Variants in KIRREL3 observed in about 807,000 individuals in gnomAD.
The protein encoded by KIRREL3 is kin of IRRE-like protein 3.
KIRREL3 carries 36 observed loss-of-function variants against 89.7 expected under a neutral mutation model. The observed-to-expected ratio is 0.40, with a 90% CI of 0.31 to 0.53. KIRREL3 has a LOEUF of 0.53. KIRREL3 is among the 20% of genes least tolerant of loss of function. KIRREL3 has a pLI of 0.49. For synonymous variants in KIRREL3, 445 were observed against 441.4 expected (o/e 1.01, Z -0.10); for missense variants, 864 against 1,056.6 (o/e 0.82, Z 2.53).
intron 5 of KIRREL3, among the ~76,000 whole-genome samples, chr11:126,464,594 AGAGGAG>A (rs1315806801): frequency 6.6e-6 from 1 of 151,898 alleles, no homozygotes. Context: ...GTGAAAGAGA[AGAGGAG>A]GAGGAGGAGA....
chr11:126,449,782 A>T (rs1955958355), intron 7 of KIRREL3, among the ~76,000 whole-genome samples: 1 of 152,128 alleles, frequency 6.6e-6, no homozygotes, highest in African/African-American at 2.4e-5. Context: ...TCCTCTTGAC[A>T]AGCTCTCAGC....
intron 1 of KIRREL3, among the ~76,000 whole-genome samples, chr11:126,721,459 G>A (rs973997660): frequency 6.6e-6 from 1 of 151,784 alleles, no homozygotes; most frequent in Non-Finnish European, 1.5e-5. Flanking sequence ...GAACACAGGA[G>A]GCAGAGGTTG....
intron 1 of KIRREL3, among the ~76,000 whole-genome samples, chr11:126,794,246 C>T (rs1950734334): frequency 6.6e-6 from 1 of 152,146 alleles, no homozygotes; most frequent in South Asian, 2.1e-4. Flanking sequence ...TTAGCAGTTA[C>T]CTTGTCTATC....
At chr11:126,831,371 C>T (rs1540249) in intron 1 of KIRREL3, among the ~76,000 whole-genome samples, 130,953 of 151,846 alleles carry the variant, frequency 0.86, 56,803 homozygotes, top group East Asian at 1. Flanking sequence ...AATCTCTCTG[C>T]CTCTCTCTGT....
chr11:126,607,075 A>G lies in KIRREL3; in HGVS notation c.56-44163T>C, dbSNP rs1419881735. Among the ~76,000 whole-genome samples the G allele has an allele frequency of 6.6e-6, 1 of 152,198 alleles. No homozygotes were observed. Among genetic ancestry groups the G allele is most frequent in the African/African-American group, 2.4e-5 (1 of 41,446 alleles). On this transcript the variant is annotated intron_variant, in intron 1 of 16. Coordinates refer to ENST00000525144, the MANE Select transcript of KIRREL3 (RefSeq NM_032531.4). This position sits in a 1 kb window ranked among gnomAD's most constrained non-coding sequence, Gnocchi z 6.6. The stretch of plus-strand genomic sequence containing the variant: ...TCTCTTCCAAGGGGCTCTCTCTGGC[A>G]GCCAAGAACCAACCACAGGGCTTGT...
chr11:126,692,544 CAAAAAAAAAAAA>C (rs71048799), intron 1 of KIRREL3, among the ~76,000 whole-genome samples: 7 of 42,688 alleles, frequency 1.6e-4, no homozygotes, highest in East Asian at 2.0e-3. Flanking sequence ...GACTCTGTCT[CAAAAAAAAAAAA>C]AAAAAAAAAA....
At chr11:126,790,510 T>G (rs1950604842) in intron 1 of KIRREL3, among the ~76,000 whole-genome samples, 1 of 152,200 alleles carries the variant, frequency 6.6e-6, no homozygotes, top group African/African-American at 2.4e-5. Flanking sequence ...TTCAATAGCA[T>G]AATACCTAGA....
At chr11:126,854,814 G>A (rs1286759715) in intron 1 of KIRREL3, among the ~76,000 whole-genome samples, 1 of 152,134 alleles carries the variant, frequency 6.6e-6, no homozygotes, top group Non-Finnish European at 1.5e-5. Flanking sequence ...TTTCAACAGT[G>A]GCAGCACCAT....
At chr11:126,919,728 A>C (rs1947192484) in intron 1 of KIRREL3, among the ~76,000 whole-genome samples, 1 of 152,246 alleles carries the variant, frequency 6.6e-6, no homozygotes, top group African/African-American at 2.4e-5. Flanking sequence ...ATATGTGCAC[A>C]GTAAGCATGG....
rs1053696675 is a variant in KIRREL3, at chr11:126,664,052, A to G, written c.56-101140T>C. On this transcript the variant is annotated intron_variant, in intron 1 of 16. Coordinates refer to ENST00000525144, the MANE Select transcript of KIRREL3 (RefSeq NM_032531.4). The surrounding 1 kb of genome is among the most constrained non-coding windows in gnomAD (Gnocchi z 5.4). ...CCCTGGCACAAGGGAAATTAACCAG[A>G]CTCTGCATGTTGTGGGAATTCTGCA... Among the ~76,000 whole-genome samples the G allele has an allele frequency of 6.6e-6, 1 of 151,898 alleles. No homozygotes were observed. The highest frequency in any genetic ancestry group is 1.9e-4 in the East Asian group (1 of 5,178).
intron 1 of KIRREL3, among the ~76,000 whole-genome samples, chr11:126,599,406 T>G (rs922802642): frequency 6.6e-5 from 10 of 152,184 alleles, no homozygotes; most frequent in African/African-American, 2.4e-4. Flanking sequence ...CTTCTTCTTC[T>G]CTGTTCTCTT....
At chr11:126,852,136 C>T (rs1230332481) in intron 1 of KIRREL3, among the ~76,000 whole-genome samples, 1 of 149,854 alleles carries the variant, frequency 6.7e-6, no homozygotes, top group African/African-American at 2.5e-5. Context: ...TCACTGCAAC[C>T]TCTGCCTCCC....
intron 3 of KIRREL3, among the ~76,000 whole-genome samples, chr11:126,524,242 G>A (rs1360947552): frequency 1.3e-5 from 2 of 152,180 alleles, no homozygotes; most frequent in Non-Finnish European, 2.9e-5. Flanking sequence ...TTATGGTGAA[G>A]GTTAAATAGG....
At position 126,747,775 on chromosome 11, in the gene KIRREL3, G is replaced by A. The variant is rs756444742; in HGVS notation, c.56-184863C>T. Among the ~76,000 whole-genome samples the A allele has an allele frequency of 6.6e-6, 1 of 152,168 alleles. No homozygotes were observed. The highest frequency in any genetic ancestry group is 1.5e-5 in the Non-Finnish European group (1 of 68,032). On this transcript the variant is annotated intron_variant, in intron 1 of 16. Transcript: ENST00000525144. The surrounding 1 kb of genome is among the most constrained non-coding windows in gnomAD (Gnocchi z 4.7). ...TGGGGTGAGGGAACGACTGTGTGCA[G>A]AGAGTCATGTGAGAACCCCTGTTCC...
chr11:126,971,533 T>C (rs1018741372), intron 1 of KIRREL3, among the ~76,000 whole-genome samples: 12 of 152,090 alleles, frequency 7.9e-5, no homozygotes, highest in Admixed American at 6.6e-4. Context: ...TCGGCACCCA[T>C]AAAAATATGA....
rs187982328 is a variant in KIRREL3 at position 126,954,307 on chromosome 11, A to G, written c.55+46148T>C. ...TGCCTCACAGTTGACATTTTATTTT[A>G]TAGTCACGTTAGAGTTGAGTTCAGA... On this transcript the variant is annotated intron_variant, in intron 1 of 16. Coordinates refer to ENST00000525144, the MANE Select transcript of KIRREL3 (RefSeq NM_032531.4). This position sits in a 1 kb window ranked among gnomAD's most constrained non-coding sequence, Gnocchi z 4.1. 2.9e-4 allele frequency among the ~76,000 whole-genome samples: 43 copies of G among 150,320 alleles called. No homozygotes were observed. The highest frequency in any genetic ancestry group is 1.0e-3 in the African/African-American group (41 of 41,144).
In KIRREL3 at chr11:126,429,372, G is replaced by T; in HGVS notation, c.1697-84C>A. The T allele has an allele frequency of 1.1e-6, 1 of 909,664 alleles. No homozygotes were observed. Among genetic ancestry groups the T allele is most frequent in the Non-Finnish European group, 1.8e-6 (1 of 563,610 alleles). 56.3% of individuals were successfully genotyped at this position (909,664 alleles called of 1,614,324 possible). The stretch of plus-strand genomic sequence containing the variant: ...AGCTCCCTTGCAGTCCCCTGCCCCT[G>T]CCCTGCCACCCTCTGCATTTCCCCT... On this transcript the variant is annotated intron_variant, in intron 14 of 16. Transcript: ENST00000525144. The surrounding 1 kb of genome is among the most constrained non-coding windows in gnomAD (Gnocchi z 5.2).
intron 1 of KIRREL3, among the ~76,000 whole-genome samples, chr11:126,929,950 C>A (rs78288328): frequency 0.027 from 264 of 9,908 alleles, no homozygotes; most frequent in African/African-American, 0.26. Flanking sequence ...GGGGAGCCAC[C>A]CCCCCCCCCC....
chr11:126,678,317 G>C (rs1213696283), intron 1 of KIRREL3, among the ~76,000 whole-genome samples: 1 of 152,168 alleles, frequency 6.6e-6, no homozygotes, highest in Non-Finnish European at 1.5e-5. Flanking sequence ...AAGAAGTGAA[G>C]GGGTCAGGCG....
Sources: allele counts gnomAD v4.1 joint callset (sites outside exome capture counted in the v4.1 genomes callset), GRCh38; gene constraint gnomAD v4.1.1; non-coding constraint Gnocchi (gnomAD v3.1); transcripts MANE v1.5; gene names NCBI Gene and HGNC (gene_info 2026-07-23, HGNC 2026-07-21).